FANCC: variants seen among roughly 807,000 people sequenced by gnomAD.
FANCC encodes FA complementation group C, also known as Fanconi anemia group C protein.
A neutral mutation model predicts 71.3 loss-of-function variants in FANCC; 55 were observed. The observed-to-expected ratio is 0.77, with a 90% CI of 0.62 to 0.97. The LOEUF is 0.97. Among genes scored for constraint, FANCC ranks in the 50% least tolerant of loss-of-function variants. FANCC has a pLI of 0.00. For missense variants in FANCC, 678 were observed against 670.9 expected, an observed-to-expected ratio of 1.01 and a Z score of -0.12; for synonymous variants, 275 against 244.9, an observed-to-expected ratio of 1.12 and a Z score of -1.15.
At chr9:95,313,429 C>T (rs966866015) in intron 1 of FANCC, among the ~76,000 whole-genome samples, 2 of 152,250 alleles carry the variant, frequency 1.3e-5, no homozygotes, top group Admixed American at 6.5e-5. Flanking sequence ...GCACGACAAC[C>T]TTCACCGGAG....
intron 6 of FANCC, among the ~76,000 whole-genome samples, chr9:95,162,273 C>T (rs1329465243): frequency 6.6e-6 from 1 of 152,198 alleles, no homozygotes; most frequent in Non-Finnish European, 1.5e-5. Flanking sequence ...CACACTGTAG[C>T]ATATGACAGG....
intron 4 of FANCC, among the ~76,000 whole-genome samples, chr9:95,206,581 G>A (rs897696805): frequency 6.6e-6 from 1 of 152,022 alleles, no homozygotes; most frequent in Non-Finnish European, 1.5e-5. Flanking sequence ...TTAACTTACC[G>A]TACATCTAAC....
chr9:95,240,351 T>C (rs1443954770), intron 4 of FANCC, among the ~76,000 whole-genome samples: 1 of 152,160 alleles, frequency 6.6e-6, no homozygotes, highest in Non-Finnish European at 1.5e-5. Context: ...AGGATAGCAA[T>C]TGCTAGAGTG....
chr9:95,283,756 A>G (rs1052960926), intron 1 of FANCC, among the ~76,000 whole-genome samples: 1 of 152,252 alleles, frequency 6.6e-6, no homozygotes. Flanking sequence ...AAAGTCAAAT[A>G]TTTTCCAAAA....
chr9:95,258,491 C>G (rs1474345347), intron 1 of FANCC, among the ~76,000 whole-genome samples: 2 of 152,146 alleles, frequency 1.3e-5, no homozygotes, highest in African/African-American at 4.8e-5. Context: ...ATGCAACATC[C>G]CTTCATGCTA....
At chr9:95,254,789 T>A (rs930908297) in intron 1 of FANCC, among the ~76,000 whole-genome samples, 7 of 152,134 alleles carry the variant, frequency 4.6e-5, no homozygotes, top group African/African-American at 1.7e-4. Flanking sequence ...GCTCAGTGGA[T>A]CCCACTCCCA....
chr9:95,135,815 T>A (rs971123695), intron 7 of FANCC, among the ~76,000 whole-genome samples: 3 of 152,200 alleles, frequency 2.0e-5, no homozygotes, highest in African/African-American at 7.2e-5. Flanking sequence ...GGAAAAGGCC[T>A]CGTGATGCCC....
intron 6 of FANCC, among the ~76,000 whole-genome samples, chr9:95,151,800 C>T (rs574552469): frequency 2.0e-5 from 3 of 152,052 alleles, no homozygotes; most frequent in Admixed American, 6.5e-5. Flanking sequence ...TGGTGGCTTA[C>T]GCCTGCGTTG....
chr9:95,233,277 TA>T (rs1462018659), intron 4 of FANCC, among the ~76,000 whole-genome samples: 4 of 151,952 alleles, frequency 2.6e-5, no homozygotes, highest in African/African-American at 9.7e-5. Context: ...AAAATATCAG[TA>T]ATGTGTTTGT....
intron 13 of FANCC, chr9:95,110,625 T>C: frequency 9.6e-7 from 1 of 1,041,734 alleles, no homozygotes; most frequent in Non-Finnish European, 1.2e-6. Context: ...TTAAACAAAA[T>C]ACGCAGACAT....
At chr9:95,205,054 A>C (rs1828035718) in intron 4 of FANCC, among the ~76,000 whole-genome samples, 1 of 152,228 alleles carries the variant, frequency 6.6e-6, no homozygotes, top group South Asian at 2.1e-4. Context: ...AGCATTTTTA[A>C]AATGCTTTCA....
chr9:95,159,498 T>G (rs1213140925), intron 6 of FANCC, among the ~76,000 whole-genome samples: 1 of 152,358 alleles, frequency 6.6e-6, no homozygotes, highest in Admixed American at 6.5e-5. Flanking sequence ...AACATACGTG[T>G]GCATGTATCT....
intron 4 of FANCC, among the ~76,000 whole-genome samples, chr9:95,204,254 G>A (rs1305664221): frequency 2.6e-5 from 4 of 152,274 alleles, no homozygotes; most frequent in South Asian, 2.1e-4. Context: ...TCTTCTAGGC[G>A]TCCATTACTC....
intron 4 of FANCC, among the ~76,000 whole-genome samples, chr9:95,199,669 G>C (rs966964652): frequency 7.2e-5 from 11 of 152,250 alleles, no homozygotes; most frequent in Non-Finnish European, 1.6e-4. Context: ...GGAGGGGTGG[G>C]GGAACAGAGA....
chr9:95,187,115 C>T (rs1826776509), intron 4 of FANCC, among the ~76,000 whole-genome samples: 1 of 151,208 alleles, frequency 6.6e-6, no homozygotes, highest in African/African-American at 2.5e-5. Flanking sequence ...CCTCAGTTTT[C>T]AATTCCATAA....
At chr9:95,115,611 C>T (rs995283595) in intron 11 of FANCC, among the ~76,000 whole-genome samples, 8 of 152,174 alleles carry the variant, frequency 5.3e-5, no homozygotes, top group Non-Finnish European at 7.4e-5. Context: ...CTGAGCAGCA[C>T]GTATCTGCAG....
intron 1 of FANCC, among the ~76,000 whole-genome samples, chr9:95,271,924 C>CTTTTTTTTTTT (rs1300486732): frequency 4.5e-5 from 3 of 67,240 alleles, no homozygotes; most frequent in Admixed American, 3.9e-4. Flanking sequence ...CATCAAGCCT[C>CTTTTTTTTTTT]TTCTTTTTTT....
intron 14 of FANCC, among the ~76,000 whole-genome samples, chr9:95,104,788 C>T (rs919709861): frequency 7.9e-5 from 12 of 152,250 alleles, no homozygotes; most frequent in Admixed American, 7.9e-4. Flanking sequence ...ACACGGGCCA[C>T]AGGGTTGGGG....
intron 4 of FANCC, among the ~76,000 whole-genome samples, chr9:95,205,999 T>A (rs886764383): frequency 1.2e-4 from 18 of 152,170 alleles, no homozygotes; most frequent in African/African-American, 4.3e-4. Context: ...GAGCAAAATA[T>A]CCTACCGGTC....
Sources: gnomAD v4.1 joint callset for allele counts (sites outside exome capture counted in the v4.1 genomes callset) on GRCh38, gnomAD v4.1.1 for gene constraint, MANE v1.5 for transcripts, NCBI Gene and HGNC (gene_info 2026-07-23, HGNC 2026-07-21) for gene names.